Variants in HIPK1 observed in about 807,000 individuals in gnomAD.
The protein encoded by HIPK1 is homeodomain interacting protein kinase 1.
In HIPK1, 28 loss-of-function variants were observed where a neutral mutation model predicts 117.1. The observed-to-expected ratio is 0.24, with a 90% CI of 0.18 to 0.33. The LOEUF is 0.33. Ranked by LOEUF, HIPK1 falls within the 10% of genes least tolerant of loss-of-function variation. The probability of loss-of-function intolerance (pLI) is 1.00; values close to 1 mark genes in which losing one functional copy is unlikely to be tolerated. For synonymous variants in HIPK1, 605 were observed against 562.5 expected, an observed-to-expected ratio of 1.08 and a Z score of -1.07; for missense variants, 1,122 against 1,475.1, an observed-to-expected ratio of 0.76 and a Z score of 3.92.
At chr1:113,963,307 T>TG in intron 9 of HIPK1, 80 bp from the exon 10 acceptor site, 1 of 1,486,698 alleles carries the variant, frequency 6.7e-7, no homozygotes. Context: ...AGTAATAACT[T>TG]GGGGGGAATG....
chr1:113,932,370 G>GC (rs1669952132), intron 1 of HIPK1: 1 of 123,298 alleles, frequency 8.1e-6, no homozygotes, highest in African/African-American at 3.0e-5. Flanking sequence ...TTTTGGATCT[G>GC]TTTTTTTTTT....
intron 8 of HIPK1, among the ~76,000 whole-genome samples, chr1:113,959,346 A>G (rs11485101): frequency 0.12 from 18,799 of 152,028 alleles, 1,908 homozygotes; most frequent in African/African-American, 0.28. Context: ...AGCGATATAA[A>G]CCAGGGAGAA....
rs981411572 is a variant in HIPK1 at position 113,972,101 on chromosome 1, C to T, written c.3144+147C>T. The T allele has an allele frequency of 1.3e-5, 20 of 1,591,072 alleles. No individual in the cohort carries two copies. In the African/African-American group the frequency reaches 1.6e-4, roughly 13 times the overall value. On this transcript the variant is annotated intron_variant, in intron 15 of 15. Coordinates refer to ENST00000426820, the MANE Select transcript of HIPK1 (RefSeq NM_198268.3). ...TTGTGTTCTATGGCTTACGTCGTAC[C>T]GCATATGCTGTGTCTCTTCATTCAC...
chr1:113,934,283 G>T (rs975494553), intron 1 of HIPK1, among the ~76,000 whole-genome samples: 1 of 152,196 alleles, frequency 6.6e-6, no homozygotes, highest in African/African-American at 2.4e-5. Flanking sequence ...AATGGAAAAT[G>T]ATTACCTGGG....
At chr1:113,970,283 G>T in intron 14 of HIPK1, 86 bp downstream of exon 14, 1 of 1,406,884 alleles carries the variant, frequency 7.1e-7, no homozygotes. Flanking sequence ...TTATATCAGT[G>T]GTAGAGACCA....
intron 1 of HIPK1, chr1:113,929,994 C>G: frequency 3.0e-6 from 3 of 985,458 alleles, no homozygotes; most frequent in Non-Finnish European, 3.6e-6. Context: ...CCCCTCAGCT[C>G]CCTGAGGCGG....
chr1:113,932,788 A>G (rs1669983371), intron 1 of HIPK1, among the ~76,000 whole-genome samples: 1 of 152,014 alleles, frequency 6.6e-6, no homozygotes, highest in Non-Finnish European at 1.5e-5. Context: ...CTCCAGTTAA[A>G]TATATCTCCT....
At chr1:113,959,747 G>A (rs1671973078) in intron 8 of HIPK1, among the ~76,000 whole-genome samples, 1 of 152,064 alleles carries the variant, frequency 6.6e-6, no homozygotes, top group South Asian at 2.1e-4. Context: ...AATAACCTGA[G>A]GAGTTATTAG....
chr1:113,971,143 T>C (rs559075834), intron 14 of HIPK1, among the ~76,000 whole-genome samples: 19 of 152,380 alleles, frequency 1.2e-4, no homozygotes, highest in Middle Eastern at 3.4e-3. Context: ...TATTGTGTTA[T>C]GCCTCTGTGT....
intron 14 of HIPK1, among the ~76,000 whole-genome samples, chr1:113,970,543 A>AC (rs1223648320): frequency 6.6e-6 from 1 of 152,244 alleles, no homozygotes; most frequent in Non-Finnish European, 1.5e-5. Context: ...TGAGATGTAG[A>AC]CAGGACTTGA....
intron 2 of HIPK1, among the ~76,000 whole-genome samples, chr1:113,944,384 G>A (rs575893685): frequency 3.0e-4 from 46 of 150,948 alleles, no homozygotes; most frequent in Non-Finnish European, 5.3e-4. Context: ...GGCTGGTCTC[G>A]AACTCCTGAC....
rs1670627032 is a variant in HIPK1 at position 113,941,379 on chromosome 1, A to G, written c.996A>G (p.Arg332=). ...TTGATCCAGTTCGCCAGCCCTACCG[A>G]GTGAAGGTCATTGACTTTGGTTCTG... ...MLVDPVRQPY[R]VKVIDFGSAS... The change falls in exon 2 of 16, where the codon CGA becomes CGG. Residue 332 remains arginine, a synonymous_variant. Transcript: ENST00000426820. This position sits in a 1 kb window ranked among gnomAD's most constrained non-coding sequence, Gnocchi z 4.9. 6.2e-7 allele frequency: 1 copy of G among 1,614,166 alleles called. No individual in the cohort carries two copies.
Position 113,967,952 on chromosome 1 carries a change from A to G in HIPK1, c.2564+4A>G. ...AGTCAGCTCCAGTCTCTTCCAAGTG[A>G]GTCTGTGTTACAGCTGATAGTTAAA... is the stretch of plus-strand genomic sequence containing the variant. On this transcript the variant is annotated splice_donor_region_variant and intron_variant, in intron 12 of 15. Coordinates refer to ENST00000426820, the MANE Select transcript of HIPK1 (RefSeq NM_198268.3). The G allele has an allele frequency of 6.2e-7, 1 of 1,601,904 alleles. No individual in the cohort carries two copies. The highest frequency in any genetic ancestry group is 8.5e-7 in the Non-Finnish European group (1 of 1,176,988).
intron 1 of HIPK1, chr1:113,933,359 A>G (rs767912115): frequency 7.9e-5 from 15 of 189,472 alleles, no homozygotes; most frequent in Non-Finnish European, 1.4e-4. Flanking sequence ...ACTTGGTAGT[A>G]TTGGAAGAGA....
At chr1:113,936,927 G>A (rs1670287342) in intron 1 of HIPK1, among the ~76,000 whole-genome samples, 1 of 152,118 alleles carries the variant, frequency 6.6e-6, no homozygotes, top group African/African-American at 2.4e-5. Context: ...ATTGTTAATG[G>A]AAAACAAATT....
chr1:113,956,647 G>T lies in HIPK1; in HGVS notation c.1428G>T (p.Leu476=). ...GGAAGGTGAATATGTCTACAGACCT[G>T]GAGGGAACAGACATGTTGGCAGAGA... The part of the protein sequence containing the change: ...DMAQVNMSTD[L]EGTDMLAEKA... The change falls in exon 6 of 16, where the codon CTG becomes CTT. Residue 476 remains leucine, a synonymous_variant. Coordinates refer to ENST00000426820, the MANE Select transcript of HIPK1 (RefSeq NM_198268.3). The T allele has an allele frequency of 1.2e-6, 2 of 1,613,784 alleles. No homozygotes were observed. The highest frequency in any genetic ancestry group is 2.7e-5 in the African/African-American group (2 of 75,036).
intron 10 of HIPK1, 100 bp from the exon 11 acceptor site, chr1:113,966,029 CA>C: frequency 1.7e-6 from 2 of 1,178,300 alleles, no homozygotes; most frequent in East Asian, 4.9e-5. Flanking sequence ...AATCTACAAG[CA>C]ACTTCTTTTA....
chr1:113,937,989 G>A (rs1670360572), intron 1 of HIPK1, among the ~76,000 whole-genome samples: 1 of 151,912 alleles, frequency 6.6e-6, no homozygotes, highest in South Asian at 2.1e-4. Flanking sequence ...TTTTGAGATA[G>A]GATCTAGCTC....
chr1:113,966,204 C>T lies in HIPK1; in HGVS notation c.2313C>T (p.His771=), dbSNP rs770461296. The T allele has an allele frequency of 3.7e-5, 60 of 1,614,142 alleles. No individual in the cohort carries two copies. The highest frequency in any genetic ancestry group is 5.0e-5 in the Admixed American group (3 of 60,026). ...TWQQLPGVAL[H]NSVQPTAMIP... ...AACAGTTGCCTGGGGTAGCTCTACA[C>T]AACTCTGTCCAGCCCACAGCAATGA... Residue 771 remains histidine, a synonymous_variant, in exon 11 of 16, where the codon CAC becomes CAT. Transcript: ENST00000426820.
Sources: gnomAD v4.1 joint callset for allele counts (sites outside exome capture counted in the v4.1 genomes callset) on GRCh38, gnomAD v4.1.1 for gene constraint, Gnocchi (gnomAD v3.1) non-coding constraint, MANE v1.5 for transcripts, NCBI Gene and HGNC (gene_info 2026-07-23, HGNC 2026-07-21) for gene names.